Variants in SCARB2 observed in about 807,000 individuals in gnomAD.
SCARB2 encodes the protein lysosome membrane protein 2.
SCARB2 carries 29 observed loss-of-function variants against 58.6 expected under a neutral mutation model. The observed-to-expected ratio is 0.49, with a 90% CI of 0.37 to 0.67. The LOEUF (loss-of-function observed/expected upper bound fraction) is 0.67, where lower values mean the gene tolerates loss of function less well. Among genes scored for constraint, SCARB2 ranks in the 30% least tolerant of loss-of-function variants. The pLI is 0.00. For synonymous variants in SCARB2, 195 were observed against 210.1 expected, an observed-to-expected ratio of 0.93 and a Z score of 0.62; for missense variants, 488 against 578.5, an observed-to-expected ratio of 0.84 and a Z score of 1.60.
chr4:76,195,679 TTCAAGACAGGAGGTGG>T lies in SCARB2; in HGVS notation c.275+12_275+27del. 1 of 1,609,312 alleles carries T rather than the reference TTCAAGACAGGAGGTGG, an allele frequency of 6.2e-7. No homozygotes were observed. ...CATATTGGGGTCACTCTGTATTTCT[TTCAAGACAGGAGGTGG>T]TCAAGACTTACCTGTAGGTGTATGG... On this transcript the variant is annotated intron_variant, in intron 2 of 11. Coordinates refer to ENST00000264896, the MANE Select transcript of SCARB2 (RefSeq NM_005506.4).
intron 1 of SCARB2, among the ~76,000 whole-genome samples, chr4:76,230,136 G>GA (rs1733468544): frequency 6.6e-6 from 1 of 152,136 alleles, no homozygotes; most frequent in Admixed American, 6.5e-5. Context: ...GATGGGTAGA[G>GA]AAAAACCATG....
At chr4:76,192,689 A>G (rs1732631491) in intron 2 of SCARB2, 2 of 152,132 alleles carry the variant, frequency 1.3e-5, no homozygotes, top group Non-Finnish European at 2.9e-5. Context: ...CTCAAAAAAA[A>G]AAAAAGTTAA....
intron 1 of SCARB2, among the ~76,000 whole-genome samples, chr4:76,224,011 C>A (rs1040703424): frequency 1.3e-5 from 2 of 152,092 alleles, no homozygotes; most frequent in Non-Finnish European, 2.9e-5. Flanking sequence ...AAATCTCCTG[C>A]CAAACCAGGA....
chr4:76,203,045 G>T (rs1209445728), intron 1 of SCARB2, among the ~76,000 whole-genome samples: 1 of 152,132 alleles, frequency 6.6e-6, no homozygotes, highest in African/African-American at 2.4e-5. Flanking sequence ...AGGCTGGAAT[G>T]CAGTGGTGCA....
intron 1 of SCARB2, among the ~76,000 whole-genome samples, chr4:76,227,522 G>A (rs565329724): frequency 6.6e-6 from 1 of 152,284 alleles, no homozygotes; most frequent in Admixed American, 6.5e-5. Context: ...TGCAGTTGTT[G>A]GGTATAATGT....
At chr4:76,223,841 T>G (rs181326946) in intron 1 of SCARB2, among the ~76,000 whole-genome samples, 2,930 of 150,108 alleles carry the variant, frequency 0.02, 88 homozygotes, top group African/African-American at 0.071. Flanking sequence ...TGGCCTGCTT[T>G]CCACCCTCAG....
upstream of SCARB2, chr4:76,217,679 C>T: frequency 1.6e-6 from 1 of 639,052 alleles, no homozygotes; most frequent in South Asian, 1.8e-5. Context: ...TTTTCACTAC[C>T]CAATCTCAGG....
intron 1 of SCARB2, among the ~76,000 whole-genome samples, chr4:76,203,955 GTTCT>G (rs1732879184): frequency 6.6e-6 from 1 of 152,224 alleles, no homozygotes; most frequent in Non-Finnish European, 1.5e-5. Flanking sequence ...ACTACTGGTT[GTTCT>G]TTAAGGTCAG....
At chr4:76,199,980 C>T (rs1032858734) in intron 1 of SCARB2, among the ~76,000 whole-genome samples, 1 of 152,234 alleles carries the variant, frequency 6.6e-6, no homozygotes, top group African/African-American at 2.4e-5. Context: ...TTCAAGTGTG[C>T]ACTCCCAGGA....
chr4:76,231,507 G>A (rs1733491834), intron 1 of SCARB2, among the ~76,000 whole-genome samples: 2 of 147,034 alleles, frequency 1.4e-5, no homozygotes, highest in Admixed American at 7.0e-5. Flanking sequence ...TTTCTCACTC[G>A]CCAGTCCTCA....
intron 1 of SCARB2, among the ~76,000 whole-genome samples, chr4:76,226,849 T>C (rs1212745533): frequency 6.6e-6 from 1 of 152,248 alleles, no homozygotes; most frequent in African/African-American, 2.4e-5. Flanking sequence ...TCTTTTGTAT[T>C]TCTGTGATAT....
rs6811781 is a variant in SCARB2, at chr4:76,159,646, C to T, written c.*2067G>A. The T allele has an allele frequency of 0.23, 34,553 of 152,066 alleles. 4,873 individuals carry two copies. Among genetic ancestry groups the T allele is most frequent in the African/African-American group, 0.4 (16,624 of 41,426 alleles). 9.4% of individuals were successfully genotyped at this position (152,066 alleles called of 1,614,324 possible). ...CTGAGGCAGGAGAATTGCTTGAACC[C>T]GGGAGGCAGAGGTTGCAGTGAGCCG... On this transcript the variant is annotated 3_prime_UTR_variant, in exon 12 of 12. Coordinates refer to ENST00000264896, the MANE Select transcript of SCARB2 (RefSeq NM_005506.4).
At chr4:76,219,336 T>A (rs1326589076) in intron 1 of SCARB2, among the ~76,000 whole-genome samples, 2 of 152,174 alleles carry the variant, frequency 1.3e-5, no homozygotes, top group Non-Finnish European at 2.9e-5. Context: ...CTTTGCAATA[T>A]ATCTAATGTA....
chr4:76,220,407 G>T (rs1733287736), intron 1 of SCARB2, among the ~76,000 whole-genome samples: 1 of 152,176 alleles, frequency 6.6e-6, no homozygotes, highest in Non-Finnish European at 1.5e-5. Context: ...CAGGAGGATT[G>T]CTTGGGACCA....
intron 1 of SCARB2, among the ~76,000 whole-genome samples, chr4:76,210,751 T>C (rs1733027920): frequency 6.6e-6 from 1 of 152,204 alleles, no homozygotes; most frequent in Admixed American, 6.5e-5. Flanking sequence ...CGATATTCAC[T>C]GGCCAAAATT....
intron 1 of SCARB2, among the ~76,000 whole-genome samples, chr4:76,231,504 C>T (rs1733491728): frequency 6.7e-6 from 1 of 148,514 alleles, no homozygotes; most frequent in Non-Finnish European, 1.5e-5. Context: ...CGATTTCTCA[C>T]TCGCCAGTCC....
At chr4:76,188,365 AGACT>A (rs72154751) in intron 2 of SCARB2, among the ~76,000 whole-genome samples, 16,106 of 152,170 alleles carry the variant, frequency 0.11, 1,036 homozygotes, top group East Asian at 0.21. Flanking sequence ...TCCTTAAACC[AGACT>A]GACTGGCTGT....
At chr4:76,165,877 A>G (rs1731998820) in intron 10 of SCARB2, 1 of 331,612 alleles carries the variant, frequency 3.0e-6, no homozygotes, top group Non-Finnish European at 5.7e-6. Flanking sequence ...TTAAACCAGC[A>G]TGGTTTCAAA....
chr4:76,169,211 G>GT lies in SCARB2; in HGVS notation c.1113+655dup, dbSNP rs374768153. ...AATACTGTGCTAAAAGAATGTTCTT[G>GT]TTTTTTTTTTTTATTGGTCCATAAT... On this transcript the variant is annotated intron_variant, in intron 8 of 11. Transcript: ENST00000264896. 8.2e-3 allele frequency among the ~76,000 whole-genome samples: 1,175 copies of GT among 143,840 alleles called. 11 individuals carry two copies. Among genetic ancestry groups the GT allele is most frequent in the African/African-American group, 0.025 (976 of 39,470 alleles). The allele number at this position is 143,840 out of a possible 152,430, so 94.4% of individuals were successfully genotyped here.
Sources: gnomAD v4.1 joint callset for allele counts (sites outside exome capture counted in the v4.1 genomes callset) on GRCh38, gnomAD v4.1.1 for gene constraint, MANE v1.5 for transcripts, NCBI Gene and HGNC (gene_info 2026-07-23, HGNC 2026-07-21) for gene names.